The following SLC1A6 variants were observed in gnomAD, a reference collection of about 807,000 sequenced individuals.
The protein encoded by SLC1A6 is excitatory amino acid transporter 4.
Under a neutral mutation model 42.1 loss-of-function variants are expected in SLC1A6, and 15 were observed. The ratio of observed to expected loss-of-function variants is 0.36; its 90% CI spans 0.24 to 0.55. SLC1A6 has a LOEUF of 0.55. SLC1A6 is among the 20% of genes least tolerant of loss of function. The pLI is 0.88. For synonymous variants in SLC1A6, 317 were observed against 319.7 expected (o/e 0.99, Z 0.09); for missense variants, 542 against 772.5 (o/e 0.70, Z 3.54).
chr19:14,987,276 G>C (rs986749828), intron 1 of SLC1A6, among the ~76,000 whole-genome samples: 1 of 151,996 alleles, frequency 6.6e-6, no homozygotes, highest in African/African-American at 2.4e-5. Context: ...AGACCAGCCT[G>C]ACCAACATGG....
intron 1 of SLC1A6, among the ~76,000 whole-genome samples, chr19:14,989,095 C>T (rs981367097): frequency 6.6e-6 from 1 of 152,084 alleles, no homozygotes; most frequent in Non-Finnish European, 1.5e-5. Context: ...CATGGTTTTA[C>T]AGACACCGGC....
At chr19:14,971,652 C>A in intron 3 of SLC1A6, 85 bp downstream of exon 3, 2 of 1,366,456 alleles carry the variant, frequency 1.5e-6, no homozygotes, top group Non-Finnish European at 2.0e-6. Context: ...GGAAGTGGTC[C>A]CATGCTTGGG....
intron 1 of SLC1A6, among the ~76,000 whole-genome samples, chr19:14,986,611 G>A (rs200039008): frequency 1.4e-5 from 2 of 138,294 alleles, no homozygotes; most frequent in African/African-American, 5.5e-5. Flanking sequence ...TTTTTTTTAA[G>A]ACAGGGTCTC....
At chr19:15,004,678 G>A (rs113259062) in intron 1 of SLC1A6, among the ~76,000 whole-genome samples, 3,025 of 150,974 alleles carry the variant, frequency 0.02, 103 homozygotes, top group African/African-American at 0.069. Flanking sequence ...CAGCCTGGGT[G>A]ACAGAGTGAG....
intron 4 of SLC1A6, among the ~76,000 whole-genome samples, chr19:14,965,878 T>C (rs1159391608): frequency 6.7e-6 from 1 of 148,966 alleles, no homozygotes; most frequent in African/African-American, 2.5e-5. Context: ...AAAGAAATAA[T>C]GTCTTTGGCA....
At chr19:15,010,418 C>T (rs1279828504) in intron 1 of SLC1A6, 27 of 455,636 alleles carry the variant, frequency 5.9e-5, no homozygotes, top group Non-Finnish European at 1.1e-4. Context: ...GAAAGAAGGG[C>T]CATGTGCTGG....
chr19:14,954,051 C>CCCACCACCCA, intron 8 of SLC1A6, 84 bp downstream of exon 8: 1 of 1,036,808 alleles, frequency 9.6e-7, no homozygotes, highest in Non-Finnish European at 1.4e-6. Flanking sequence ...AGCTGAGGCC[C>CCCACCACCCA]CCTCCTCCCT....
At chr19:14,984,983 A>G (rs922785875) in intron 1 of SLC1A6, among the ~76,000 whole-genome samples, 10 of 152,000 alleles carry the variant, frequency 6.6e-5, no homozygotes, top group African/African-American at 1.9e-4. Flanking sequence ...CTGGGTTCAA[A>G]CAATTCTCCT....
At chr19:14,970,448 A>C (rs1005796274) in intron 3 of SLC1A6, among the ~76,000 whole-genome samples, 1 of 152,172 alleles carries the variant, frequency 6.6e-6, no homozygotes, top group Non-Finnish European at 1.5e-5. Flanking sequence ...GGGGTGGCTC[A>C]CACCTGTAAT....
chr19:14,980,171 A>G (rs991668453), upstream of SLC1A6: 1 of 152,074 alleles, frequency 6.6e-6, no homozygotes. Flanking sequence ...CCTTGGGCCA[A>G]CTCCTCTCCC....
chr19:14,961,399 A>T (rs1399682738), intron 6 of SLC1A6: 1 of 152,298 alleles, frequency 6.6e-6, no homozygotes, highest in East Asian at 1.9e-4. Flanking sequence ...GACCAAATAA[A>T]TCCAGAAACC....
chr19:14,964,635 G>C (rs968193916), intron 4 of SLC1A6, among the ~76,000 whole-genome samples: 1 of 152,138 alleles, frequency 6.6e-6, no homozygotes, highest in Non-Finnish European at 1.5e-5. Context: ...CTGCTAAGAG[G>C]TGCAGATGGC....
intron 9 of SLC1A6, among the ~76,000 whole-genome samples, chr19:14,951,269 A>AGAAAG (rs1555704134): frequency 2.7e-4 from 9 of 33,730 alleles, no homozygotes; most frequent in Admixed American, 7.1e-4. Context: ...AAAAAAAAAA[A>AGAAAG]AAAAAAAAAG....
In SLC1A6 at chr19:14,962,199, G is replaced by C; in HGVS notation, c.738C>G (p.Thr246=). ...CCTCAAAGCTCAGCATCTCCTGCAGGGTACCCAAGGCCCGAGTGACATTTT... is the reference window on the plus strand; with the variant it reads ...CCTCAAAGCTCAGCATCTCCTGCAGCGTACCCAAGGCCCGAGTGACATTTT... ...FLENVTRALG[T]LQEMLSFEET... Residue 246 remains threonine (T), a synonymous_variant, in exon 6 of 10, where the codon ACC becomes ACG. Coordinates refer to ENST00000594383, the MANE Select transcript of SLC1A6 (RefSeq NM_005071.3). The C allele has an allele frequency of 1.2e-6, 2 of 1,614,134 alleles. No individual in the cohort carries two copies. The highest frequency in any genetic ancestry group is 1.7e-6 in the Non-Finnish European group (2 of 1,180,022).
chr19:14,963,781 C>T lies in SLC1A6; in HGVS notation c.591+538G>A, dbSNP rs2045542038. On this transcript the variant is annotated intron_variant, in intron 5 of 9. Transcript: ENST00000594383. ...AAATTTCTGGAATCTCTACACCAGC[C>T]TTGTTGCCTCCTCTAGCCCTGTGCT... Among the ~76,000 whole-genome samples the T allele has an allele frequency of 5.3e-5, 8 of 151,914 alleles. No individual in the cohort carries two copies. In the South Asian group the frequency reaches 1.7e-3, roughly 32 times the overall value.
intron 1 of SLC1A6, among the ~76,000 whole-genome samples, chr19:14,996,556 T>TTCC (rs780883192): frequency 7.2e-6 from 1 of 139,142 alleles, no homozygotes; most frequent in Non-Finnish European, 1.5e-5. Flanking sequence ...CTTCTTCTTC[T>TTCC]TCTTGTTCTT....
Position 14,973,030 on chromosome 19 carries a change from CG to C in SLC1A6, c.-7-114del, listed in dbSNP as rs1224023905. 9.6e-5 allele frequency: 79 copies of C among 819,842 alleles called. No homozygotes were observed. The East Asian group carries it at 2.1e-3, about 22-fold the overall frequency. The allele number at this position is 819,842 out of a possible 1,614,324, so 50.8% of individuals were successfully genotyped here. On this transcript the variant is annotated intron_variant, in intron 1 of 9. Transcript: ENST00000594383. Reference sequence around the variant, plus strand: ...GCGCTTCCTGAGGACTCTCAGAAGGCGGGGGTGGCTGGGTGTTTTGGCTCAC... The same window carrying C: ...GCGCTTCCTGAGGACTCTCAGAAGGCGGGGTGGCTGGGTGTTTTGGCTCAC...
Position 14,950,374 on chromosome 19 carries a change from T to C in SLC1A6, c.1516A>G (p.Met506Val), listed in dbSNP as rs781586282. ...ATTGAGTCCCCCAGTACGTTGGTCATTGTGCGAAGCCGGTCACTGGTACAG... is the reference window on the plus strand; with the variant it reads ...ATTGAGTCCCCCAGTACGTTGGTCACTGTGCGAAGCCGGTCACTGGTACAG... ...VDWFLDRLRT[M>V]TNVLGDSIGA... Residue 506 changes from methionine to valine, a missense_variant, in exon 10 of 10, where the codon ATG becomes GTG. Transcript: ENST00000594383. 3.1e-6 allele frequency: 5 copies of C among 1,590,426 alleles called. No homozygotes were observed. The highest frequency in any genetic ancestry group is 4.3e-6 in the Non-Finnish European group (5 of 1,164,170).
chr19:15,004,017 G>A (rs1049481669), intron 1 of SLC1A6, among the ~76,000 whole-genome samples: 2 of 151,940 alleles, frequency 1.3e-5, no homozygotes, highest in Non-Finnish European at 2.9e-5. Context: ...TTAGCTGGGC[G>A]TGGTGGTGGG....
Sources: gnomAD v4.1 joint callset for allele counts (sites outside exome capture counted in the v4.1 genomes callset) on GRCh38, gnomAD v4.1.1 for gene constraint, MANE v1.5 for transcripts, NCBI Gene and HGNC (gene_info 2026-07-23, HGNC 2026-07-21) for gene names.